Variants in SVEP1 observed in about 807,000 individuals in gnomAD.
SVEP1 encodes the protein sushi, von Willebrand factor type A, EGF and pentraxin domain containing 1.
A neutral mutation model predicts 367.3 loss-of-function variants in SVEP1; 164 were observed. The observed-to-expected ratio is 0.45, with a 90% confidence interval of 0.39 to 0.51. The LOEUF (loss-of-function observed/expected upper bound fraction) is 0.51, where lower values mean the gene tolerates loss of function less well. SVEP1 is among the 20% of genes least tolerant of loss of function. The pLI, the probability that SVEP1 is intolerant of heterozygous loss-of-function variation, is 0.00. For missense variants in SVEP1, 4,117 were observed against 4,425.3 expected (o/e 0.93, Z 1.98); for synonymous variants, 1,666 against 1,611.6 (o/e 1.03, Z -0.81).
At chr9:110,531,198 C>T (rs948570751) in intron 3 of SVEP1, among the ~76,000 whole-genome samples, 1 of 152,100 alleles carries the variant, frequency 6.6e-6, no homozygotes, top group Non-Finnish European at 1.5e-5. Context: ...TTAAATATTT[C>T]ATATATAGTG....
rs572869387 is a variant in SVEP1 at position 110,406,181 on chromosome 9, T to C, written c.9419A>G (p.Tyr3140Cys). ...NAVATGEAHT[Y>C]ESEVKLRCLE... Reference sequence around the variant, plus strand: ...TTACCTGAGTTTCACTTCACTTTCATAGGTGTGTGCCTCTCCAGTTGCCAC... The same window carrying C: ...TTACCTGAGTTTCACTTCACTTTCACAGGTGTGTGCCTCTCCAGTTGCCAC... The change falls in exon 38 of 48, where the codon TAT (tyrosine) becomes TGT (cysteine). Residue 3140 changes from tyrosine (Y) to cysteine (C), a missense_variant. Physicochemically the swap from Tyr to Cys is radical, Grantham distance 194. Around this residue, in one of 4 missense-constraint regions of SVEP1, gnomAD observed 1,765 missense variants for 1,781.1 expected, o/e 0.99. Coordinates refer to ENST00000374469, the MANE Select transcript of SVEP1 (RefSeq NM_153366.4). The C allele has an allele frequency of 3.2e-6, 5 of 1,579,626 alleles. No homozygotes were observed. In the East Asian group the frequency reaches 9.0e-5, roughly 28 times the overall value.
intron 1 of SVEP1, among the ~76,000 whole-genome samples, chr9:110,560,677 T>G (rs966244560): frequency 2.0e-5 from 3 of 152,118 alleles, no homozygotes; most frequent in African/African-American, 7.2e-5. Context: ...AGGGGTTCCC[T>G]CCTCCTGTTT....
chr9:110,426,513 A>T (rs1007352084), intron 36 of SVEP1, among the ~76,000 whole-genome samples: 1 of 152,222 alleles, frequency 6.6e-6, no homozygotes, highest in Non-Finnish European at 1.5e-5. Flanking sequence ...ACAGTTAGTG[A>T]ACAACAGAGT....
intron 32 of SVEP1, 41 bp downstream of exon 32, chr9:110,431,874 G>T: frequency 1.9e-6 from 3 of 1,610,480 alleles, no homozygotes; most frequent in South Asian, 1.1e-5. Flanking sequence ...TTGAATAAAA[G>T]AATGGAATTA....
intron 46 of SVEP1, among the ~76,000 whole-genome samples, chr9:110,373,577 G>A (rs1827308104): frequency 6.8e-6 from 1 of 147,838 alleles, no homozygotes; most frequent in South Asian, 2.1e-4. Flanking sequence ...GTTTATAGGA[G>A]GAATAGTGGT....
chr9:110,556,160 T>C (rs1745971862), intron 1 of SVEP1, among the ~76,000 whole-genome samples: 1 of 152,176 alleles, frequency 6.6e-6, no homozygotes, highest in Non-Finnish European at 1.5e-5. Context: ...GGCAGGAAAG[T>C]AAGCTTCCCT....
intron 13 of SVEP1, among the ~76,000 whole-genome samples, chr9:110,477,929 A>C (rs906571202): frequency 1.3e-5 from 2 of 152,142 alleles, no homozygotes; most frequent in African/African-American, 4.8e-5. Context: ...CCATTTAATT[A>C]GAGTAAAAGG....
intron 5 of SVEP1, 102 bp downstream of exon 5, chr9:110,512,824 G>T: frequency 7.2e-7 from 1 of 1,393,208 alleles, no homozygotes; most frequent in Non-Finnish European, 1.0e-6. Context: ...TGGGGTCTAT[G>T]AAATCCAAAA....
At chr9:110,434,219 A>C (rs113374309) in intron 30 of SVEP1, 117 bp downstream of exon 30, 3 of 1,146,150 alleles carry the variant, frequency 2.6e-6, no homozygotes, top group South Asian at 1.7e-5. Flanking sequence ...GGTTCAATGA[A>C]TATTTGGTAT....
At chr9:110,415,242 T>A (rs1047107905) in intron 36 of SVEP1, among the ~76,000 whole-genome samples, 1 of 152,088 alleles carries the variant, frequency 6.6e-6, no homozygotes, top group Non-Finnish European at 1.5e-5. Context: ...ATTTTTGTCC[T>A]AAGCTTAAGA....
chr9:110,399,607 C>T (rs917602300), intron 40 of SVEP1, among the ~76,000 whole-genome samples: 16 of 152,108 alleles, frequency 1.1e-4, no homozygotes, highest in Non-Finnish European at 1.8e-4. Flanking sequence ...GATCTTGGCT[C>T]ACTGCAACCT....
In SVEP1 at chr9:110,406,357, C is replaced by G. The variant is rs867141343; in HGVS notation, c.9243G>C (p.Trp3081Cys). 4.3e-6 allele frequency: 7 copies of G among 1,613,944 alleles called. No homozygotes were observed. The highest frequency in any genetic ancestry group is 5.1e-6 in the Non-Finnish European group (6 of 1,179,904). The stretch of plus-strand genomic sequence containing the variant: ...AGCTGTAAGTTATCACATTTTCCTT[C>G]CAAGAGCTGGTCTCACTGATGAACG... ...PNAFISETSS[W>C]KENVITYSCR... is the part of the protein sequence containing the mutation. The change falls in exon 38 of 48, where the codon TGG (tryptophan) becomes TGC (cysteine). Residue 3081 changes from tryptophan to cysteine, a missense_variant. By Grantham distance (215) the Trp-to-Cys change is radical (BLOSUM62 -2). Coordinates refer to ENST00000374469, the MANE Select transcript of SVEP1 (RefSeq NM_153366.4).
At chr9:110,542,746 C>T (rs1319684755) in intron 3 of SVEP1, among the ~76,000 whole-genome samples, 1 of 142,236 alleles carries the variant, frequency 7.0e-6, no homozygotes, top group Non-Finnish European at 1.5e-5. Flanking sequence ...CATTTATTTA[C>T]CAAATGGATT....
intron 9 of SVEP1, among the ~76,000 whole-genome samples, chr9:110,484,556 T>A (rs915323833): frequency 2.6e-5 from 4 of 152,176 alleles, no homozygotes; most frequent in African/African-American, 9.6e-5. Context: ...GACGAAAACA[T>A]CAAAAGCAAT....
chr9:110,427,817 A>C, intron 35 of SVEP1, 59 bp from the exon 36 acceptor site: 1 of 1,532,066 alleles, frequency 6.5e-7, no homozygotes, highest in Non-Finnish European at 8.8e-7. Context: ...TATGGAGATA[A>C]AACAGGAAGA....
chr9:110,393,287 G>A (rs1827696182), intron 40 of SVEP1, among the ~76,000 whole-genome samples: 1 of 152,152 alleles, frequency 6.6e-6, no homozygotes, highest in Admixed American at 6.5e-5. Context: ...GAGGAAAGAA[G>A]ATATATATAA....
rs1175239257 is a variant in SVEP1 at position 110,507,891 on chromosome 9, GATTT to G, written c.1304-4678_1304-4675del. Among the ~76,000 whole-genome samples, 3 of 152,074 alleles carry G rather than the reference GATTT, an allele frequency of 2.0e-5. No homozygotes were observed. In the East Asian group the frequency reaches 5.8e-4, roughly 29 times the overall value. On this transcript the variant is annotated intron_variant, in intron 5 of 47. Coordinates refer to ENST00000374469, the MANE Select transcript of SVEP1 (RefSeq NM_153366.4). ...AGCTTTCCTAACCTGAGACAAAATG[GATTT>G]ATTACTGATAATAAATTAGAGTCGG...
intron 39 of SVEP1, among the ~76,000 whole-genome samples, chr9:110,402,961 A>G (rs1457305955): frequency 6.6e-6 from 1 of 152,208 alleles, no homozygotes; most frequent in Non-Finnish European, 1.5e-5. Context: ...ACTATATGTC[A>G]GGCAAGTACT....
Position 110,455,645 on chromosome 9 carries a change from T to C in SVEP1, c.3732A>G (p.Gly1244=), listed in dbSNP as rs747726887. The change falls in exon 22 of 48, where the codon GGA becomes GGG. Residue 1244 remains glycine, a synonymous_variant. Transcript: ENST00000374469. Reference sequence around the variant, plus strand: ...ATTCCCCAACTAGGTCTTTACAAACTCCATTGTTGAGGCAAGGCAGTGGGC... The same window carrying C: ...ATTCCCCAACTAGGTCTTTACAAACCCCATTGTTGAGGCAAGGCAGTGGGC... The part of the protein sequence containing the change: ...ECSPLPCLNN[G]VCKDLVGEFI... The C allele has an allele frequency of 6.2e-7, 1 of 1,613,602 alleles. No homozygotes were observed. The highest frequency in any genetic ancestry group is 1.1e-5 in the South Asian group (1 of 91,008).
Sources: gnomAD v4.1 joint callset for allele counts (sites outside exome capture counted in the v4.1 genomes callset) on GRCh38, gnomAD v4.1.1 for gene constraint, gnomAD v4.1.1 regional missense constraint, MANE v1.5 for transcripts, NCBI Gene and HGNC (gene_info 2026-07-23, HGNC 2026-07-21) for gene names.